NUP205: variants seen among roughly 807,000 people sequenced by gnomAD.
The protein encoded by NUP205 is nucleoporin 205.
Under a neutral mutation model 253.8 loss-of-function variants are expected in NUP205, and 76 were observed. That is an observed-to-expected ratio of 0.30 (90% CI 0.25 to 0.36). The LOEUF is 0.36. NUP205 is among the 10% of genes least tolerant of loss of function. The pLI, the probability that NUP205 is intolerant of heterozygous loss-of-function variation, is 1.00. For synonymous variants in NUP205, 832 were observed against 850.1 expected (o/e 0.98, Z 0.37); for missense variants, 2,162 against 2,425.5 (o/e 0.89, Z 2.28).
chr7:135,645,572 T>C lies in NUP205; in HGVS notation c.5788T>C (p.Leu1930=), dbSNP rs542997720. 6.2e-7 allele frequency: 1 copy of C among 1,614,136 alleles called. No individual in the cohort carries two copies. Among genetic ancestry groups the C allele is most frequent in the African/African-American group, 1.3e-5 (1 of 75,070 alleles). Residue 1930 remains leucine (L), a synonymous_variant, in exon 41 of 43, where the codon TTG becomes CTG. Transcript: ENST00000285968. ...SQDSLFASRT[L]FKSRRLQDSF... ...AGATTCCTTATTTGCCTCGAGAACC[T>C]TGTTTAAAAGCAGAAGACTGCAAGG...
intron 22 of NUP205, among the ~76,000 whole-genome samples, chr7:135,612,927 G>A (rs1794274555): frequency 6.6e-6 from 1 of 152,008 alleles, no homozygotes; most frequent in African/African-American, 2.4e-5. Context: ...TCTAATAAAT[G>A]TTCATATTAG....
rs186459256 is a variant in NUP205 at position 135,616,342 on chromosome 7, A to T, written c.3460+277A>T. Among the ~76,000 whole-genome samples, 10 of 152,308 alleles carry T rather than the reference A, an allele frequency of 6.6e-5. No homozygotes were observed. In the East Asian group the frequency reaches 1.9e-3, roughly 29 times the overall value. On this transcript the variant is annotated intron_variant, in intron 24 of 42. Transcript: ENST00000285968. ...CCAGCATGACCTAAGCTATTTCAGT[A>T]TGTATTATTCATGCAAATTAAGCAT...
At chr7:135,607,414 T>C (rs756529323) in intron 22 of NUP205, 43 bp downstream of exon 22, 5 of 1,601,644 alleles carry the variant, frequency 3.1e-6, no homozygotes, top group Admixed American at 1.7e-5. Context: ...TAGAAGAAAC[T>C]TGACCAGGTG....
intron 22 of NUP205, among the ~76,000 whole-genome samples, chr7:135,609,464 C>T (rs181077468): frequency 3.9e-4 from 58 of 149,494 alleles, no homozygotes; most frequent in Non-Finnish European, 6.2e-4. Context: ...GGCGACAGAG[C>T]GAAACTCTGT....
Position 135,648,667 on chromosome 7 carries a change from C to A in NUP205, c.*111C>A. 3 of 807,634 alleles carry A rather than the reference C, an allele frequency of 3.7e-6. No individual in the cohort carries two copies. The highest frequency in any genetic ancestry group is 3.0e-5 in the East Asian group (1 of 33,462). 50.0% of individuals were successfully genotyped at this position (807,634 alleles called of 1,614,324 possible). A position where few individuals can be genotyped will look rare whatever the true frequency, so the allele number is the denominator to read the frequency against. On this transcript the variant is annotated 3_prime_UTR_variant, in exon 43 of 43. Transcript: ENST00000285968. ...ACCAAAAATATTTTGCTATTTCTTT[C>A]TTTGTATATGGACATCTTTTCTGTA...
chr7:135,572,947 T>TTTTTTTTTTC (rs1311337387), intron 2 of NUP205, among the ~76,000 whole-genome samples: 5 of 151,072 alleles, frequency 3.3e-5, no homozygotes, highest in Admixed American at 2.0e-4. Context: ...TTTAGCTTTT[T>TTTTTTTTTTC]TTTTTTTTTC....
chr7:135,586,778 C>T (rs1806475510), intron 8 of NUP205, among the ~76,000 whole-genome samples: 1 of 152,140 alleles, frequency 6.6e-6, no homozygotes, highest in South Asian at 2.1e-4. Context: ...GCTCAGAGAA[C>T]ACGCCTTGTA....
Position 135,579,358 on chromosome 7 carries a change from C to G in NUP205, c.1042+443C>G, listed in dbSNP as rs946155216. Among the ~76,000 whole-genome samples the G allele has an allele frequency of 1.1e-4, 16 of 152,046 alleles. No homozygotes were observed. In the East Asian group the frequency reaches 3.1e-3, roughly 30 times the overall value. ...TACAGGCATGCGCCACCACACCTGG[C>G]TAATTGTGTATTTTTAGTAGAAATG... On this transcript the variant is annotated intron_variant, in intron 7 of 42. Transcript: ENST00000285968.
At chr7:135,618,287 A>ATGCTTCC (rs1794401499) in intron 27 of NUP205, 125 bp from the exon 28 acceptor site, 1 of 745,122 alleles carries the variant, frequency 1.3e-6, no homozygotes, top group Non-Finnish European at 2.2e-6. Flanking sequence ...CTGAAATAAT[A>ATGCTTCC]TGAAAAGATA....
intron 3 of NUP205, 50 bp downstream of exon 3, chr7:135,573,875 A>G (rs372407974): frequency 4.3e-6 from 6 of 1,387,848 alleles, no homozygotes; most frequent in East Asian, 2.3e-5. Context: ...AAAATTATAA[A>G]ATCACTCATA....
At chr7:135,605,403 T>C (rs1283885333) in intron 19 of NUP205, among the ~76,000 whole-genome samples, 1 of 152,216 alleles carries the variant, frequency 6.6e-6, no homozygotes, top group East Asian at 1.9e-4. Context: ...GCACAGATCT[T>C]ATTTTGTGTG....
In NUP205 at chr7:135,577,913, G is replaced by A. The variant is rs1806194396; in HGVS notation, c.766G>A (p.Val256Met). Residue 256 changes from valine to methionine, a missense_variant, in exon 6 of 43, where the codon GTG (valine) becomes ATG (methionine). By Grantham distance (21) the Val-to-Met change is conservative. This residue lies in a region of NUP205 where 892 missense variants were observed against 957.1 expected (regional missense o/e 0.93). Coordinates refer to ENST00000285968, the MANE Select transcript of NUP205 (RefSeq NM_015135.3). ...CCTCCTCATTGGACATTTGGAAAGA[G>A]TGACAGTTGAGGCTAATGGCTCACT... ...TLLLIGHLER[V>M]TVEANGSLDA... is the part of the protein sequence containing the mutation. 1 of 1,614,136 alleles carries A rather than the reference G, an allele frequency of 6.2e-7. No individual in the cohort carries two copies. Among genetic ancestry groups the A allele is most frequent in the East Asian group, 2.2e-5 (1 of 44,872 alleles).
At chr7:135,570,853 AT>A (rs1805974749) in intron 1 of NUP205, among the ~76,000 whole-genome samples, 1 of 91,654 alleles carries the variant, frequency 1.1e-5, no homozygotes, top group Non-Finnish European at 2.1e-5. Flanking sequence ...TATTACATAT[AT>A]TATATATAAA....
At chr7:135,560,195 C>G (rs1356721950) in intron 1 of NUP205, among the ~76,000 whole-genome samples, 1 of 151,656 alleles carries the variant, frequency 6.6e-6, no homozygotes. Flanking sequence ...GGGGTTTCAC[C>G]ATGTTGGCCA....
At chr7:135,587,792 T>G in intron 9 of NUP205, 63 bp from the exon 10 acceptor site, 1 of 1,547,718 alleles carries the variant, frequency 6.5e-7, no homozygotes, top group South Asian at 1.2e-5. Flanking sequence ...ATGTCCTTTT[T>G]TTTATTGAAA....
At chr7:135,571,315 T>G in intron 2 of NUP205, 68 bp downstream of exon 2, 2 of 1,069,848 alleles carry the variant, frequency 1.9e-6, no homozygotes, top group Non-Finnish European at 2.5e-6. Context: ...GGAAGTAAAC[T>G]CTTTTCTTTT....
chr7:135,634,806 A>C (rs1306508868), intron 35 of NUP205, among the ~76,000 whole-genome samples: 1 of 152,158 alleles, frequency 6.6e-6, no homozygotes, highest in Non-Finnish European at 1.5e-5. Context: ...GTTTGTGTTG[A>C]GGGCTGAGCT....
At chr7:135,571,337 T>A in intron 2 of NUP205, 90 bp downstream of exon 2, 1 of 921,414 alleles carries the variant, frequency 1.1e-6, no homozygotes, top group Non-Finnish European at 1.5e-6. Context: ...TTTTTAATTT[T>A]CAAATTTTTT....
intron 4 of NUP205, among the ~76,000 whole-genome samples, chr7:135,576,729 A>G (rs765419376): frequency 2.0e-5 from 3 of 152,112 alleles, no homozygotes; most frequent in Non-Finnish European, 2.9e-5. Context: ...AAAAAATAGA[A>G]TAATTAACTG....
Sources: allele counts gnomAD v4.1 joint callset (sites outside exome capture counted in the v4.1 genomes callset), GRCh38; gene constraint gnomAD v4.1.1; regional missense constraint gnomAD v4.1.1; transcripts MANE v1.5; gene names NCBI Gene and HGNC (gene_info 2026-07-23, HGNC 2026-07-21).